The following CAPN8 variants were observed in gnomAD, a reference collection of about 807,000 sequenced individuals.
The protein encoded by CAPN8 is calpain-8.
Under a neutral mutation model 80.9 loss-of-function variants are expected in CAPN8, and 87 were observed. The ratio of observed to expected loss-of-function variants is 1.07; its 90% CI spans 0.90 to 1.28. The LOEUF (loss-of-function observed/expected upper bound fraction) is 1.28. Among genes scored for constraint, CAPN8 ranks in the 50% most tolerant of loss-of-function variants. CAPN8 has a pLI of 0.00. For missense variants in CAPN8, 757 were observed against 702.0 expected, an observed-to-expected ratio of 1.08 and a Z score of -0.89; for synonymous variants, 299 against 273.8, an observed-to-expected ratio of 1.09 and a Z score of -0.91.
rs374012810 is a variant in CAPN8 at position 223,544,135 on chromosome 1, G to A, written c.1961C>T (p.Ala654Val). The part of the protein sequence containing the change: ...QVQQTIALRY[A>V]CSKLGINFDS... The stretch of plus-strand genomic sequence containing the variant: ...AAAGTTGATGCCAAGCTTGCTGCAC[G>A]CATACCGCAGGGCAATGGTCTGCTG... The change falls in exon 19 of 21, where the codon GCG becomes GTG. Residue 654 changes from alanine to valine, a missense_variant. By Grantham distance (64) the Ala-to-Val change is moderately conservative. Transcript: ENST00000366872. 3.6e-5 allele frequency: 26 copies of A among 718,296 alleles called. No homozygotes were observed. The highest frequency in any genetic ancestry group is 2.1e-4 in the African/African-American group (12 of 57,398). The allele number at this position is 718,296 out of a possible 1,614,324, so 44.5% of individuals were successfully genotyped here. A position where few individuals can be genotyped will look rare whatever the true frequency, so the allele number is the denominator to read the frequency against.
At chr1:223,663,053 C>T (rs1464438570) in intron 1 of CAPN8, among the ~76,000 whole-genome samples, 1 of 152,236 alleles carries the variant, frequency 6.6e-6, no homozygotes, top group Non-Finnish European at 1.5e-5. Context: ...TCAACACGCA[C>T]TTGAAAACTC....
intron 5 of CAPN8, among the ~76,000 whole-genome samples, chr1:223,626,537 G>A (rs1657584153): frequency 6.6e-6 from 1 of 152,164 alleles, no homozygotes. Context: ...AATCCACACA[G>A]CTCAGCCTCC....
At chr1:223,547,770 T>C (rs369166786) in intron 16 of CAPN8, among the ~76,000 whole-genome samples, 2 of 152,124 alleles carry the variant, frequency 1.3e-5, no homozygotes, top group African/African-American at 4.8e-5. Flanking sequence ...GAGACACAAA[T>C]ACCATTGGGA....
At chr1:223,543,774 A>T (rs1233230161) in intron 19 of CAPN8, among the ~76,000 whole-genome samples, 1 of 152,224 alleles carries the variant, frequency 6.6e-6, no homozygotes. Flanking sequence ...TGACTCATTC[A>T]TCTTGGCCTA....
intron 14 of CAPN8, among the ~76,000 whole-genome samples, chr1:223,552,570 A>AAC: frequency 6.6e-6 from 1 of 151,602 alleles, no homozygotes; most frequent in East Asian, 1.9e-4. Flanking sequence ...AAAAAAAAAA[A>AAC]AAAAAAAAAA....
intron 13 of CAPN8, among the ~76,000 whole-genome samples, chr1:223,556,822 C>T (rs1419920523): frequency 6.6e-6 from 1 of 152,210 alleles, no homozygotes; most frequent in Admixed American, 6.5e-5. Context: ...ATACTCTACA[C>T]TGGCAAACCG....
intron 1 of CAPN8, among the ~76,000 whole-genome samples, chr1:223,658,204 G>A (rs1288986928): frequency 3.3e-5 from 5 of 152,144 alleles, no homozygotes; most frequent in African/African-American, 1.2e-4. Context: ...TCCCTGAGCT[G>A]TATCTTCAAT....
At chr1:223,642,463 CCT>C (rs1264156549) in intron 2 of CAPN8, among the ~76,000 whole-genome samples, 1 of 152,166 alleles carries the variant, frequency 6.6e-6, no homozygotes, top group Admixed American at 6.5e-5. Flanking sequence ...CCAGAAGGGG[CCT>C]CTCAGACCTG....
intron 2 of CAPN8, among the ~76,000 whole-genome samples, chr1:223,640,345 A>C (rs1480875337): frequency 1.3e-5 from 2 of 152,240 alleles, no homozygotes; most frequent in Non-Finnish European, 2.9e-5. Flanking sequence ...CAGGGAACCC[A>C]AACAAGTGAA....
At chr1:223,626,434 G>A (rs1657579957) in intron 5 of CAPN8, among the ~76,000 whole-genome samples, 1 of 152,148 alleles carries the variant, frequency 6.6e-6, no homozygotes, top group Non-Finnish European at 1.5e-5. Flanking sequence ...GGAAGACAGG[G>A]CAGCCAGAGG....
intron 17 of CAPN8, 189 bp downstream of exon 17, chr1:223,545,042 G>A (rs1475534296): frequency 2.2e-6 from 3 of 1,395,124 alleles, no homozygotes; most frequent in Non-Finnish European, 2.9e-6. Context: ...TGTCTGAACA[G>A]CAGGGCTTTC....
At chr1:223,643,519 A>G (rs948977273) in intron 2 of CAPN8, among the ~76,000 whole-genome samples, 9 of 152,224 alleles carry the variant, frequency 5.9e-5, no homozygotes, top group African/African-American at 2.2e-4. Flanking sequence ...CTGGGAAAAT[A>G]TCCTGAGTAC....
At position 223,628,612 on chromosome 1, in the gene CAPN8, C is replaced by T. The variant is rs1186653365; in HGVS notation, c.426+50G>A. ...TCTGACGCAGTGGACCTGCAGTGAG[C>T]CCTAAGAATACGGAAAACAGCAACA... On this transcript the variant is annotated intron_variant, in intron 3 of 20. Coordinates refer to ENST00000366872, the MANE Select transcript of CAPN8 (RefSeq NM_001143962.2). 14 of 1,410,480 alleles carry T rather than the reference C, an allele frequency of 9.9e-6. No individual in the cohort carries two copies. The Admixed American group carries it at 2.8e-4, about 28-fold the overall frequency. The allele number at this position is 1,410,480 out of a possible 1,614,324, so 87.4% of individuals were successfully genotyped here.
At position 223,542,686 on chromosome 1, in the gene CAPN8, G is replaced by A. The variant is rs139347246; in HGVS notation, c.2088+422C>T. The stretch of plus-strand genomic sequence containing the variant: ...CTGATTTTTTCTGCAAAAACATTAT[G>A]TGACTTGTACACAGTAAAAACACTT... On this transcript the variant is annotated intron_variant, in intron 20 of 20. Transcript: ENST00000366872. 4.1e-3 allele frequency among the ~76,000 whole-genome samples: 626 copies of A among 152,236 alleles called. 3 individuals carry two copies. The highest frequency in any genetic ancestry group is 0.014 in the African/African-American group (585 of 41,536).
rs1247389768 is a variant in CAPN8, at chr1:223,541,802, G to A, written c.*34C>T. On this transcript the variant is annotated 3_prime_UTR_variant, in exon 21 of 21. Coordinates refer to ENST00000366872, the MANE Select transcript of CAPN8 (RefSeq NM_001143962.2). ...AGGGGTGACAAGAAGCAAGCAGTGG[G>A]GCAGGGAGTGTCACTGATGTCCGAA... The A allele has an allele frequency of 1.9e-6, 3 of 1,551,458 alleles. No individual in the cohort carries two copies. The highest frequency in any genetic ancestry group is 2.6e-6 in the Non-Finnish European group (3 of 1,146,934).
rs144581694 is a variant in CAPN8 at position 223,546,229 on chromosome 1, C to T, written c.1765-930G>A. Among the ~76,000 whole-genome samples the T allele has an allele frequency of 4.7e-3, 710 of 152,114 alleles. 5 individuals carry two copies. The highest frequency in any genetic ancestry group is 0.016 in the African/African-American group (667 of 41,484). ...AGTCACAACTAATCAATAAACAGTG[C>T]GTATGTTACAGCACCAATGTTAAAA... is the stretch of plus-strand genomic sequence containing the variant. On this transcript the variant is annotated intron_variant, in intron 16 of 20. Coordinates refer to ENST00000366872, the MANE Select transcript of CAPN8 (RefSeq NM_001143962.2).
intron 4 of CAPN8, 49 bp downstream of exon 4, chr1:223,627,960 C>T: frequency 6.7e-7 from 1 of 1,485,358 alleles, no homozygotes; most frequent in Non-Finnish European, 9.0e-7. Flanking sequence ...CAGGTGAGAG[C>T]TTTCAGGGAG....
chr1:223,542,653 G>A (rs1447392225), intron 20 of CAPN8, among the ~76,000 whole-genome samples: 1 of 152,188 alleles, frequency 6.6e-6, no homozygotes, highest in African/African-American at 2.4e-5. Flanking sequence ...GTCCACGGGG[G>A]AAGTACTCTG....
intron 2 of CAPN8, chr1:223,642,552 T>C (rs1658072703): frequency 6.2e-6 from 2 of 320,490 alleles, no homozygotes; most frequent in Admixed American, 8.6e-5. Context: ...CCGAGGACTA[T>C]TCTGGGCCAG....
Sources: gnomAD v4.1 joint callset for allele counts (sites outside exome capture counted in the v4.1 genomes callset) on GRCh38, gnomAD v4.1.1 for gene constraint, MANE v1.5 for transcripts, NCBI Gene and HGNC (gene_info 2026-07-23, HGNC 2026-07-21) for gene names.